ZC3HC1: variants seen among roughly 807,000 people sequenced by gnomAD.
ZC3HC1 encodes the protein zinc finger C3HC-type containing 1, also known as zinc finger C3HC-type protein 1.
Under a neutral mutation model 61.9 loss-of-function variants are expected in ZC3HC1, and 38 were observed. That is an observed-to-expected ratio of 0.61 (90% CI 0.47 to 0.81). ZC3HC1 has a LOEUF of 0.81. ZC3HC1 is among the 30% of genes least tolerant of loss of function. The probability of loss-of-function intolerance (pLI) is 0.00; values close to 1 mark genes in which losing one functional copy is unlikely to be tolerated. For synonymous variants in ZC3HC1, 213 were observed against 229.9 expected, an observed-to-expected ratio of 0.93 and a Z score of 0.67; for missense variants, 554 against 622.7, an observed-to-expected ratio of 0.89 and a Z score of 1.17.
intron 9 of ZC3HC1, among the ~76,000 whole-genome samples, chr7:130,019,177 T>A (rs937969166): frequency 1.3e-5 from 2 of 151,668 alleles, no homozygotes; most frequent in Non-Finnish European, 2.9e-5. Context: ...CCTCACCCAG[T>A]AGCTGGGACT....
At chr7:130,043,925 ATGGGAGGG>A in intron 2 of ZC3HC1, 1 of 440,436 alleles carries the variant, frequency 2.3e-6, no homozygotes, top group Admixed American at 2.7e-5. Flanking sequence ...AGTGTTGAAT[ATGGGAGGG>A]AAAAATAGGG....
intron 4 of ZC3HC1, among the ~76,000 whole-genome samples, chr7:130,035,453 C>T (rs887000742): frequency 6.7e-5 from 10 of 149,786 alleles, no homozygotes; most frequent in Admixed American, 2.0e-4. Context: ...CTCGTAGTTT[C>T]GCACCTGAAC....
chr7:130,038,745 AG>A (rs1011435409), intron 4 of ZC3HC1, among the ~76,000 whole-genome samples: 1 of 151,606 alleles, frequency 6.6e-6, no homozygotes, highest in African/African-American at 2.4e-5. Context: ...CTGTAATCCC[AG>A]CTACTCGGGA....
chr7:130,037,316 C>T (rs555059167), intron 4 of ZC3HC1, among the ~76,000 whole-genome samples: 13 of 152,202 alleles, frequency 8.5e-5, no homozygotes, highest in Non-Finnish European at 1.3e-4. Context: ...TGGTGGCACG[C>T]GCCTGTAGTC....
intron 2 of ZC3HC1, among the ~76,000 whole-genome samples, chr7:130,043,197 A>G (rs1468848872): frequency 6.6e-6 from 1 of 152,024 alleles, no homozygotes; most frequent in Non-Finnish European, 1.5e-5. Context: ...GACTCGCTTG[A>G]ACTTGGGAGG....
chr7:130,023,529 G>A lies in ZC3HC1; in HGVS notation c.1215C>T (p.Leu405=), dbSNP rs1793741203. Residue 405 remains leucine, a synonymous_variant, in exon 8 of 10, where the codon CTC becomes CTT. Coordinates refer to ENST00000358303, the MANE Select transcript of ZC3HC1 (RefSeq NM_016478.5). This position sits in a 1 kb window ranked among gnomAD's most constrained non-coding sequence, Gnocchi z 4.2. ...GACTCACCGAACTGCTGGAGGAGCA[G>A]AGGCGAGCTCGCTTGGCTTTCCGCA... ...SPLRKAKRAR[L]CSSSSSDTSS... The A allele has an allele frequency of 6.2e-7, 1 of 1,614,202 alleles. No homozygotes were observed. The highest frequency in any genetic ancestry group is 8.5e-7 in the Non-Finnish European group (1 of 1,180,044).
chr7:130,026,616 C>A, intron 5 of ZC3HC1: 1 of 229,988 alleles, frequency 4.3e-6, no homozygotes, highest in African/African-American at 2.3e-5. Context: ...CTGCAAACTT[C>A]AAACCCAAAT....
intron 2 of ZC3HC1, among the ~76,000 whole-genome samples, chr7:130,043,103 C>G (rs1794743532): frequency 6.6e-6 from 1 of 151,976 alleles, no homozygotes; most frequent in African/African-American, 2.4e-5. Flanking sequence ...ATGGTGAAAC[C>G]CCATTTCTAC....
chr7:130,028,773 G>A, intron 5 of ZC3HC1, 129 bp downstream of exon 5: 1 of 1,267,512 alleles, frequency 7.9e-7, no homozygotes, highest in East Asian at 2.6e-5. Context: ...AGACTGAAAA[G>A]GTCAGATGAG....
Position 130,023,901 on chromosome 7 carries a change from G to A in ZC3HC1, c.1021-178C>T, listed in dbSNP as rs1339903815. Among the ~76,000 whole-genome samples the A allele has an allele frequency of 1.3e-5, 2 of 152,026 alleles. No homozygotes were observed. The highest frequency in any genetic ancestry group is 2.9e-5 in the Non-Finnish European group (2 of 68,024). ...GGCAACCTCTGCCTCCCGAGTTCAA[G>A]TGATTCTCCTGCTTCAGCCTCCCAA... is the stretch of plus-strand genomic sequence containing the variant. On this transcript the variant is annotated intron_variant, in intron 7 of 9. Coordinates refer to ENST00000358303, the MANE Select transcript of ZC3HC1 (RefSeq NM_016478.5). This position sits in a 1 kb window ranked among gnomAD's most constrained non-coding sequence, Gnocchi z 4.2.
At chr7:130,035,261 T>C (rs2116724372) in intron 4 of ZC3HC1, among the ~76,000 whole-genome samples, 1 of 151,928 alleles carries the variant, frequency 6.6e-6, no homozygotes, top group Non-Finnish European at 1.5e-5. Flanking sequence ...GGTAGCGGCA[T>C]GCACCTGTAA....
intron 2 of ZC3HC1, among the ~76,000 whole-genome samples, chr7:130,046,958 G>A (rs1321929815): frequency 2.0e-5 from 3 of 148,622 alleles, no homozygotes; most frequent in Non-Finnish European, 4.5e-5. Context: ...CCAGCTAACT[G>A]TGCATTCTTT....
At chr7:130,033,445 C>CTTTTTTTTTTT (rs3043729) in intron 4 of ZC3HC1, among the ~76,000 whole-genome samples, 1 of 82,852 alleles carries the variant, frequency 1.2e-5, no homozygotes, top group Non-Finnish European at 2.3e-5. Flanking sequence ...CTATAGCATT[C>CTTTTTTTTTTT]TTTTTTTTTT....
chr7:130,034,975 GTCTTC>G (rs1563080640), intron 4 of ZC3HC1, among the ~76,000 whole-genome samples: 1 of 152,054 alleles, frequency 6.6e-6, no homozygotes, highest in East Asian at 1.9e-4. Flanking sequence ...CTACACTTTA[GTCTTC>G]TCTTCTATTC....
intron 4 of ZC3HC1, among the ~76,000 whole-genome samples, chr7:130,032,095 G>A (rs1217019510): frequency 6.6e-6 from 1 of 152,016 alleles, no homozygotes; most frequent in Non-Finnish European, 1.5e-5. Flanking sequence ...ATGGTGGTGG[G>A]TGCCTGTAAT....
At chr7:130,031,485 T>C (rs1794188548) in intron 4 of ZC3HC1, among the ~76,000 whole-genome samples, 1 of 152,084 alleles carries the variant, frequency 6.6e-6, no homozygotes, top group Non-Finnish European at 1.5e-5. Context: ...GCCTAGAACA[T>C]TATACTGTCG....
chr7:130,038,724 G>T (rs1794519748), intron 4 of ZC3HC1, among the ~76,000 whole-genome samples: 1 of 151,912 alleles, frequency 6.6e-6, no homozygotes, highest in South Asian at 2.1e-4. Context: ...GCAGGGTGTG[G>T]CAGCGTGTAC....
Position 130,028,922 on chromosome 7 carries a change from GC to G in ZC3HC1, c.600del (p.Arg200SerfsTer5), listed in dbSNP as rs1380028348. ...CHLDLQLPSL[R>X]PEDLKTMCLT... ...CTCACCATAGTTTTCAAGTCCTCCGGCCTTAGGGAAGGAAGCTGGAGGTCCA... is the reference window on the plus strand; with the variant it reads ...CTCACCATAGTTTTCAAGTCCTCCGGCTTAGGGAAGGAAGCTGGAGGTCCA... On this transcript the variant is annotated frameshift_variant, in exon 5 of 10. Coordinates refer to ENST00000358303, the MANE Select transcript of ZC3HC1 (RefSeq NM_016478.5). LOFTEE classifies it high-confidence loss of function. The G allele has an allele frequency of 6.2e-7, 1 of 1,613,512 alleles. No homozygotes were observed. Among genetic ancestry groups the G allele is most frequent in the Non-Finnish European group, 8.5e-7 (1 of 1,179,622 alleles).
Position 130,018,651 on chromosome 7 carries a change from C to T in ZC3HC1, c.*13G>A, listed in dbSNP as rs370599747. 1.9e-5 allele frequency: 30 copies of T among 1,600,652 alleles called. No individual in the cohort carries two copies. Among genetic ancestry groups the T allele is most frequent in the East Asian group, 2.2e-5 (1 of 44,650 alleles). ...CTCATTCCAGCTATCTCCAGGAAGG[C>T]GCTGGAGTATCTTCAGCATGAGCAC... On this transcript the variant is annotated 3_prime_UTR_variant, in exon 10 of 10. Coordinates refer to ENST00000358303, the MANE Select transcript of ZC3HC1 (RefSeq NM_016478.5).
Sources: allele counts gnomAD v4.1 joint callset (sites outside exome capture counted in the v4.1 genomes callset), GRCh38; gene constraint gnomAD v4.1.1; non-coding constraint Gnocchi (gnomAD v3.1); transcripts MANE v1.5; gene names NCBI Gene and HGNC (gene_info 2026-07-23, HGNC 2026-07-21).